Variants in WNT9B observed in about 807,000 individuals in gnomAD.
WNT9B encodes the protein protein Wnt-9b.
In WNT9B, 12 loss-of-function variants were observed where a neutral mutation model predicts 30.2. That is an observed-to-expected ratio of 0.40 (90% CI 0.26 to 0.64). The LOEUF (loss-of-function observed/expected upper bound fraction) is 0.64, where lower values mean the gene tolerates loss of function less well. Among genes scored for constraint, WNT9B ranks in the 30% least tolerant of loss-of-function variants. WNT9B has a pLI of 0.42. For synonymous variants in WNT9B, 218 were observed against 216.9 expected, an observed-to-expected ratio of 1.01 and a Z score of -0.05; for missense variants, 442 against 485.2, an observed-to-expected ratio of 0.91 and a Z score of 0.84.
At chr17:46,859,252 A>AGGCGT (rs2084993167) in intron 1 of WNT9B, among the ~76,000 whole-genome samples, 1 of 152,216 alleles carries the variant, frequency 6.6e-6, no homozygotes, top group South Asian at 2.1e-4. Context: ...CTGGCATTAC[A>AGGCGT]GGCGTGAGCC....
chr17:46,877,332 G>C lies in WNT9B; in HGVS notation c.*614G>C, dbSNP rs2085361707. On this transcript the variant is annotated 3_prime_UTR_variant, in exon 4 of 4. Coordinates refer to ENST00000290015, the MANE Select transcript of WNT9B (RefSeq NM_003396.3). ...AGAAAGGAGAGCTTTCTGTGCTTGAGTGGACCCGAGTGAGATCTGTGCCCT... is the reference window on the plus strand; with the variant it reads ...AGAAAGGAGAGCTTTCTGTGCTTGACTGGACCCGAGTGAGATCTGTGCCCT... Among the ~76,000 whole-genome samples the C allele has an allele frequency of 6.6e-6, 1 of 152,234 alleles. No individual in the cohort carries two copies. The highest frequency in any genetic ancestry group is 1.5e-5 in the Non-Finnish European group (1 of 68,034).
downstream of WNT9B, among the ~76,000 whole-genome samples, chr17:46,884,433 G>A (rs1308790218): frequency 6.6e-6 from 1 of 152,214 alleles, no homozygotes; most frequent in African/African-American, 2.4e-5. Context: ...GGGGCACACA[G>A]GAGATCCTCA....
chr17:46,850,092 C>T (rs1421469460), upstream of WNT9B, among the ~76,000 whole-genome samples: 1 of 152,158 alleles, frequency 6.6e-6, no homozygotes, highest in African/African-American at 2.4e-5. Context: ...TCAGGTGATC[C>T]TCTCACCTCG....
At chr17:46,875,876 G>T (rs1015586888) in intron 3 of WNT9B, among the ~76,000 whole-genome samples, 6 of 152,194 alleles carry the variant, frequency 3.9e-5, no homozygotes, top group Non-Finnish European at 7.3e-5. Flanking sequence ...AGGAGGCTGG[G>T]AGACACCAGT....
Position 46,876,970 on chromosome 17 carries a change from G to A in WNT9B, c.*252G>A. Reference sequence around the variant, plus strand: ...AACCTTGTTGAGGACTTGGAGAGGAGGGCAGAGTGAGAAAGACATGGAGGG... The same window carrying A: ...AACCTTGTTGAGGACTTGGAGAGGAAGGCAGAGTGAGAAAGACATGGAGGG... On this transcript the variant is annotated 3_prime_UTR_variant, in exon 4 of 4. Transcript: ENST00000290015. The A allele has an allele frequency of 1.7e-5, 22 of 1,298,156 alleles. No homozygotes were observed. Among genetic ancestry groups the A allele is most frequent in the Non-Finnish European group, 2.1e-5 (22 of 1,026,676 alleles). 80.4% of individuals were successfully genotyped at this position (1,298,156 alleles called of 1,614,324 possible). A position where few individuals can be genotyped will look rare whatever the true frequency, so the allele number is the denominator to read the frequency against.
intron 1 of WNT9B, among the ~76,000 whole-genome samples, chr17:46,864,951 G>T (rs575208485): frequency 7.7e-4 from 118 of 152,278 alleles, no homozygotes; most frequent in African/African-American, 2.6e-3. Flanking sequence ...CAGCTCTAAC[G>T]TATAATGGTT....
Position 46,878,228 on chromosome 17 carries a change from C to T in WNT9B, c.*1510C>T, listed in dbSNP as rs1274187777. 6.6e-6 allele frequency among the ~76,000 whole-genome samples: 1 copy of T among 152,250 alleles called. No homozygotes were observed. The highest frequency in any genetic ancestry group is 1.5e-5 in the Non-Finnish European group (1 of 68,036). On this transcript the variant is annotated 3_prime_UTR_variant, in exon 4 of 4. Coordinates refer to ENST00000290015, the MANE Select transcript of WNT9B (RefSeq NM_003396.3). The stretch of plus-strand genomic sequence containing the variant: ...GCCACTTTGCTGGCCCTGCCACGCC[C>T]ATCTGTCAGCTTCCTTTCTCCCTAA...
intron 1 of WNT9B, among the ~76,000 whole-genome samples, chr17:46,864,958 G>A (rs546870203): frequency 6.6e-6 from 1 of 152,282 alleles, no homozygotes; most frequent in South Asian, 2.1e-4. Context: ...AACGTATAAT[G>A]GTTTGAATGG....
Position 46,876,658 on chromosome 17 carries a change from C to T in WNT9B, c.1014C>T (p.Cys338=), listed in dbSNP as rs771046022. 3 of 1,601,738 alleles carry T rather than the reference C, an allele frequency of 1.9e-6. No homozygotes were observed. The highest frequency in any genetic ancestry group is 2.6e-6 in the Non-Finnish European group (3 of 1,171,614). ...CCTGCCACTGCCAGGTGCAGTGGTGCTGCTACGTGGAGTGCCAGCAATGTG... is the reference window on the plus strand; with the variant it reads ...CCTGCCACTGCCAGGTGCAGTGGTGTTGCTACGTGGAGTGCCAGCAATGTG... ...AFSCHCQVQW[C]CYVECQQCVQ... The change falls in exon 4 of 4, where the codon TGC becomes TGT. Residue 338 remains cysteine, a synonymous_variant. Coordinates refer to ENST00000290015, the MANE Select transcript of WNT9B (RefSeq NM_003396.3).
intron 1 of WNT9B, among the ~76,000 whole-genome samples, chr17:46,859,797 A>G (rs1182795000): frequency 6.6e-6 from 1 of 152,146 alleles, no homozygotes; most frequent in Non-Finnish European, 1.5e-5. Flanking sequence ...TTGACGTTCT[A>G]ACAATATTGA....
upstream of WNT9B, among the ~76,000 whole-genome samples, chr17:46,848,842 C>A (rs62071984): frequency 0.025 from 3,880 of 152,266 alleles, 91 homozygotes; most frequent in East Asian, 0.075. Flanking sequence ...GTTTTTTCAT[C>A]TGTGCAATGG....
intron 1 of WNT9B, among the ~76,000 whole-genome samples, chr17:46,852,992 CTCAG>C (rs1365181066): frequency 6.6e-5 from 10 of 152,166 alleles, no homozygotes; most frequent in African/African-American, 2.4e-4. Context: ...GGGAAGACCA[CTCAG>C]TCTCTGGGCC....
At chr17:46,835,132 C>T (rs935467042) in intron 1 of WNT9B, among the ~76,000 whole-genome samples, 2 of 152,138 alleles carry the variant, frequency 1.3e-5, no homozygotes, top group Non-Finnish European at 2.9e-5. Flanking sequence ...GTAGCTGGCA[C>T]TACAGGAACA....
chr17:46,876,610 C>T lies in WNT9B; in HGVS notation c.966C>T (p.Thr322=), dbSNP rs1466526011. 6.2e-7 allele frequency: 1 copy of T among 1,612,158 alleles called. No individual in the cohort carries two copies. The highest frequency in any genetic ancestry group is 8.5e-7 in the Non-Finnish European group (1 of 1,178,936). Residue 322 remains threonine (T), a synonymous_variant, in exon 4 of 4, where the codon ACC becomes ACT. Coordinates refer to ENST00000290015, the MANE Select transcript of WNT9B (RefSeq NM_003396.3). The part of the protein sequence containing the change: ...SSLCCGRGYD[T]QSRLVAFSCH... ...TGTGCTGCGGGCGGGGCTATGACAC[C>T]CAGAGCCGCCTGGTGGCCTTCTCCT... is the stretch of plus-strand genomic sequence containing the variant.
intron 1 of WNT9B, among the ~76,000 whole-genome samples, chr17:46,844,687 A>T (rs577859170): frequency 1.3e-5 from 2 of 152,176 alleles, no homozygotes; most frequent in Non-Finnish European, 2.9e-5. Context: ...ATGAAAACAA[A>T]CTAAAAGATG....
chr17:46,842,280 A>G (rs2084724938), intron 1 of WNT9B, among the ~76,000 whole-genome samples: 1 of 152,248 alleles, frequency 6.6e-6, no homozygotes, highest in African/African-American at 2.4e-5. Context: ...GCCACAGGTG[A>G]GGTAGATATG....
At chr17:46,833,375 T>A (rs1372766032) in exon 1 of WNT9B, 3 of 518,650 alleles carry the variant, frequency 5.8e-6, no homozygotes, top group Non-Finnish European at 1.2e-5. Flanking sequence ...CTTTTGATCC[T>A]CTGGCATGCC....
intron 1 of WNT9B, among the ~76,000 whole-genome samples, chr17:46,843,071 A>T (rs1370188421): frequency 6.6e-6 from 1 of 152,258 alleles, no homozygotes; most frequent in African/African-American, 2.4e-5. Flanking sequence ...CAACCAGGCC[A>T]CATTAGACAC....
In WNT9B at chr17:46,878,233, G is replaced by T. The variant is rs944834040; in HGVS notation, c.*1515G>T. ...TTTGCTGGCCCTGCCACGCCCATCT[G>T]TCAGCTTCCTTTCTCCCTAAACCTA... On this transcript the variant is annotated 3_prime_UTR_variant, in exon 4 of 4. Coordinates refer to ENST00000290015, the MANE Select transcript of WNT9B (RefSeq NM_003396.3). Among the ~76,000 whole-genome samples, 1 of 152,238 alleles carries T rather than the reference G, an allele frequency of 6.6e-6. No individual in the cohort carries two copies. Among genetic ancestry groups the T allele is most frequent in the African/African-American group, 2.4e-5 (1 of 41,474 alleles).
Sources: allele counts gnomAD v4.1 joint callset (sites outside exome capture counted in the v4.1 genomes callset), GRCh38; gene constraint gnomAD v4.1.1; transcripts MANE v1.5; gene names NCBI Gene and HGNC (gene_info 2026-07-23, HGNC 2026-07-21).